The following GRID1 variants were observed in gnomAD, a reference collection of about 807,000 sequenced individuals.
GRID1 encodes the protein glutamate ionotropic receptor delta type subunit 1.
A neutral mutation model predicts 98.0 loss-of-function variants in GRID1; 28 were observed. The ratio of observed to expected loss-of-function variants is 0.29; its 90% CI spans 0.21 to 0.39. GRID1 has a LOEUF of 0.39. GRID1 is among the 10% of genes least tolerant of loss of function. The pLI is 1.00. For synonymous variants in GRID1, 553 were observed against 538.5 expected, an observed-to-expected ratio of 1.03 and a Z score of -0.37; for missense variants, 1,111 against 1,340.5, an observed-to-expected ratio of 0.83 and a Z score of 2.67.
At chr10:86,057,467 C>T (rs1007853006) in intron 4 of GRID1, among the ~76,000 whole-genome samples, 1 of 152,170 alleles carries the variant, frequency 6.6e-6, no homozygotes, top group Non-Finnish European at 1.5e-5. Context: ...AGCCATGGCT[C>T]TTCTCTGTTC....
chr10:86,361,685 T>C (rs1848602616), intron 2 of GRID1, among the ~76,000 whole-genome samples: 1 of 152,240 alleles, frequency 6.6e-6, no homozygotes, highest in African/African-American at 2.4e-5. Context: ...CTGTGTTGTT[T>C]ACATTATTTT....
intron 4 of GRID1, among the ~76,000 whole-genome samples, chr10:86,002,601 T>C (rs532343758): frequency 6.6e-6 from 1 of 152,164 alleles, no homozygotes; most frequent in African/African-American, 2.4e-5. Context: ...AACAAATGTC[T>C]CTCCACTTAC....
intron 6 of GRID1, among the ~76,000 whole-genome samples, chr10:85,864,526 C>T (rs1843196561): frequency 6.6e-6 from 1 of 152,246 alleles, no homozygotes; most frequent in African/African-American, 2.4e-5. Flanking sequence ...CTTCCCCACT[C>T]TCCATGTTAA....
At chr10:85,679,593 C>G (rs1233010800) in intron 12 of GRID1, among the ~76,000 whole-genome samples, 4 of 152,100 alleles carry the variant, frequency 2.6e-5, no homozygotes, top group Non-Finnish European at 4.4e-5. Flanking sequence ...TAGGGTTTTC[C>G]AGGCAGAAGG....
At chr10:86,031,833 G>T (rs1352586977) in intron 4 of GRID1, among the ~76,000 whole-genome samples, 1 of 152,094 alleles carries the variant, frequency 6.6e-6, no homozygotes, top group East Asian at 1.9e-4. Context: ...CTGACCTGTT[G>T]CTGAGGTGTT....
At chr10:85,859,547 T>G (rs1843145815) in intron 6 of GRID1, among the ~76,000 whole-genome samples, 1 of 152,200 alleles carries the variant, frequency 6.6e-6, no homozygotes, top group South Asian at 2.1e-4. Context: ...ATTTTATCCC[T>G]CCAACTTTGA....
chr10:86,089,772 G>A (rs1844118012), intron 4 of GRID1, among the ~76,000 whole-genome samples: 1 of 151,240 alleles, frequency 6.6e-6, no homozygotes, highest in African/African-American at 2.4e-5. Flanking sequence ...TTGAGACGGA[G>A]TCTCATTCTT....
chr10:85,727,075 T>G (rs1005606936), intron 10 of GRID1, among the ~76,000 whole-genome samples: 4 of 152,034 alleles, frequency 2.6e-5, no homozygotes, highest in African/African-American at 9.7e-5. Context: ...GGTCATGCAG[T>G]GGGCTAGTGA....
intron 8 of GRID1, among the ~76,000 whole-genome samples, chr10:85,752,131 G>C (rs1842051940): frequency 6.6e-6 from 1 of 152,148 alleles, no homozygotes; most frequent in East Asian, 1.9e-4. Flanking sequence ...CCTTGTAATT[G>C]GTATAAGACC....
At position 85,601,369 on chromosome 10, in the gene GRID1, A is replaced by T. The variant is rs931670942; in HGVS notation, c.*904T>A. 3 of 152,218 alleles carry T rather than the reference A, an allele frequency of 2.0e-5. No homozygotes were observed. Among genetic ancestry groups the T allele is most frequent in the Non-Finnish European group, 2.9e-5 (2 of 68,124 alleles). 9.4% of individuals were successfully genotyped at this position (152,218 alleles called of 1,614,324 possible). Reference sequence around the variant, plus strand: ...ACCACCTCACCTGGTCCATGCAACTAACCCCACCTCGCAACTCCCTGCCCC... The same window carrying T: ...ACCACCTCACCTGGTCCATGCAACTTACCCCACCTCGCAACTCCCTGCCCC... On this transcript the variant is annotated 3_prime_UTR_variant, in exon 16 of 16. Coordinates refer to ENST00000327946, the MANE Select transcript of GRID1 (RefSeq NM_017551.3).
At chr10:85,960,601 C>T (rs1363111848) in intron 4 of GRID1, among the ~76,000 whole-genome samples, 1 of 152,240 alleles carries the variant, frequency 6.6e-6, no homozygotes, top group Non-Finnish European at 1.5e-5. Context: ...TTCCACCAGC[C>T]AAGGCTCAAG....
chr10:86,140,784 T>C (rs1564688031), intron 3 of GRID1, among the ~76,000 whole-genome samples: 1 of 152,048 alleles, frequency 6.6e-6, no homozygotes, highest in African/African-American at 2.4e-5. Context: ...GGGGTGAAAA[T>C]CACCAACTAC....
intron 2 of GRID1, among the ~76,000 whole-genome samples, chr10:86,270,460 C>T (rs911157616): frequency 6.6e-5 from 10 of 152,206 alleles, no homozygotes; most frequent in East Asian, 3.9e-4. Flanking sequence ...GAGACCAAGG[C>T]GGGTGGATCA....
chr10:86,038,932 C>T (rs185778522), intron 4 of GRID1, among the ~76,000 whole-genome samples: 15 of 152,300 alleles, frequency 9.8e-5, no homozygotes, highest in East Asian at 1.9e-4. Flanking sequence ...TCCAAGCCAA[C>T]GTTATTCTTG....
At chr10:86,361,126 C>T (rs1848596020) in intron 2 of GRID1, among the ~76,000 whole-genome samples, 1 of 152,216 alleles carries the variant, frequency 6.6e-6, no homozygotes, top group African/African-American at 2.4e-5. Context: ...GGATCAAGCC[C>T]AGTGATGGAA....
chr10:86,278,419 A>G (rs1319733805), intron 2 of GRID1, among the ~76,000 whole-genome samples: 30 of 90,888 alleles, frequency 3.3e-4, no homozygotes, highest in Non-Finnish European at 2.4e-5. Flanking sequence ...TAAAGGAAAT[A>G]ATAAATATCA....
chr10:85,707,049 T>C (rs1020044185), intron 12 of GRID1, among the ~76,000 whole-genome samples: 2 of 152,208 alleles, frequency 1.3e-5, no homozygotes, highest in African/African-American at 4.8e-5. Context: ...GACATAGGCA[T>C]GGACAAGGAC....
intron 3 of GRID1, among the ~76,000 whole-genome samples, chr10:86,199,456 G>A (rs1564704323): frequency 6.6e-6 from 1 of 152,136 alleles, no homozygotes; most frequent in Non-Finnish European, 1.5e-5. Flanking sequence ...CACGGTGTTT[G>A]CTCCCCACAG....
chr10:85,691,998 G>A (rs2132611304), intron 12 of GRID1, among the ~76,000 whole-genome samples: 2 of 152,126 alleles, frequency 1.3e-5, no homozygotes, highest in Middle Eastern at 3.4e-3. Context: ...ACTGTGCAAT[G>A]AGCTGCCAAT....
Sources: gnomAD v4.1 joint callset for allele counts (sites outside exome capture counted in the v4.1 genomes callset) on GRCh38, gnomAD v4.1.1 for gene constraint, MANE v1.5 for transcripts, NCBI Gene and HGNC (gene_info 2026-07-23, HGNC 2026-07-21) for gene names.